The following SUPT3H variants were observed in gnomAD, a reference collection of about 807,000 sequenced individuals.
The protein encoded by SUPT3H is SPT3 homolog, SAGA and STAGA complex component.
Under a neutral mutation model 44.3 loss-of-function variants are expected in SUPT3H, and 44 were observed. The observed-to-expected ratio is 0.99, with a 90% CI of 0.78 to 1.28. The LOEUF (loss-of-function observed/expected upper bound fraction) is 1.28. SUPT3H is among the 50% of genes most tolerant of loss of function. SUPT3H has a pLI of 0.00. For synonymous variants in SUPT3H, 124 were observed against 125.6 expected (o/e 0.99, Z 0.09); for missense variants, 380 against 387.1 (o/e 0.98, Z 0.15).
intron 2 of SUPT3H, among the ~76,000 whole-genome samples, chr6:45,315,828 C>A (rs558770945): frequency 6.6e-6 from 1 of 152,068 alleles, no homozygotes; most frequent in Non-Finnish European, 1.5e-5. Flanking sequence ...TACTTGCACA[C>A]GCATGTTTAT....
At chr6:44,850,773 T>TATCTATCC (rs1772748982) in intron 10 of SUPT3H, among the ~76,000 whole-genome samples, 1 of 152,062 alleles carries the variant, frequency 6.6e-6, no homozygotes, top group Non-Finnish European at 1.5e-5. Context: ...TCTATCTATC[T>TATCTATCC]ATCTATCTAT....
chr6:45,163,776 T>G (rs1030471076), intron 2 of SUPT3H, among the ~76,000 whole-genome samples: 1 of 147,284 alleles, frequency 6.8e-6, no homozygotes, highest in Non-Finnish European at 1.5e-5. Context: ...AAAAGGGTGA[T>G]GCACCACCAC....
At chr6:45,114,726 G>T (rs1248527637) in intron 2 of SUPT3H, among the ~76,000 whole-genome samples, 3 of 152,092 alleles carry the variant, frequency 2.0e-5, no homozygotes, top group African/African-American at 2.4e-5. Context: ...ACTCTTAATA[G>T]ATAGCAGCAT....
intron 3 of SUPT3H, among the ~76,000 whole-genome samples, chr6:45,035,325 C>A (rs1239676883): frequency 6.6e-6 from 1 of 152,100 alleles, no homozygotes; most frequent in African/African-American, 2.4e-5. Flanking sequence ...GATACCTGCA[C>A]TTCAGGAGTG....
At chr6:45,282,232 G>A (rs1778259299) in intron 2 of SUPT3H, among the ~76,000 whole-genome samples, 1 of 152,218 alleles carries the variant, frequency 6.6e-6, no homozygotes, top group Admixed American at 6.5e-5. Flanking sequence ...AGCAAAGCTG[G>A]ATGGAGAATG....
intron 3 of SUPT3H, among the ~76,000 whole-genome samples, chr6:45,105,526 G>A (rs1013254856): frequency 2.6e-4 from 39 of 152,088 alleles, no homozygotes; most frequent in African/African-American, 9.4e-4. Context: ...TCTATTGATT[G>A]TCAAATGGCA....
chr6:44,958,167 G>A (rs1004163105), intron 7 of SUPT3H, among the ~76,000 whole-genome samples: 1 of 152,176 alleles, frequency 6.6e-6, no homozygotes, highest in Admixed American at 6.5e-5. Flanking sequence ...TATTAGCATT[G>A]TAATACTACC....
intron 7 of SUPT3H, among the ~76,000 whole-genome samples, chr6:44,956,482 AATAAAAAAAAAAAATAAAAAT>A (rs1468794719): frequency 0.38 from 2,556 of 6,742 alleles, 329 homozygotes; most frequent in South Asian, 0.57. Context: ...AAAAAAAAAA[AATAAAAAAAAAAAATAAAAAT>A]AAAAAAAAAA....
chr6:45,207,168 C>A (rs1390484828), intron 2 of SUPT3H, among the ~76,000 whole-genome samples: 1 of 151,996 alleles, frequency 6.6e-6, no homozygotes, highest in African/African-American at 2.4e-5. Flanking sequence ...TGAAGTTAAA[C>A]CTAAATAAAT....
In SUPT3H at chr6:44,983,282, C is replaced by T. The variant is rs554484533; in HGVS notation, c.504+20371G>A. Among the ~76,000 whole-genome samples, 6 of 152,098 alleles carry T rather than the reference C, an allele frequency of 3.9e-5. No individual in the cohort carries two copies. In the South Asian group the frequency reaches 1.2e-3, roughly 32 times the overall value. ...GACTTGTTAGGTAAAAGTGGACATTCTAGATTACAAGAAAGTCTTTGGTTT... is the reference window on the plus strand; with the variant it reads ...GACTTGTTAGGTAAAAGTGGACATTTTAGATTACAAGAAAGTCTTTGGTTT... On this transcript the variant is annotated intron_variant, in intron 6 of 10. Coordinates refer to ENST00000371459, the MANE Select transcript of SUPT3H (RefSeq NM_003599.4).
chr6:45,180,664 T>C (rs1287474481), intron 2 of SUPT3H, among the ~76,000 whole-genome samples: 2 of 152,134 alleles, frequency 1.3e-5, no homozygotes, highest in Admixed American at 6.6e-5. Flanking sequence ...TGGCTAGCCA[T>C]ATGTAGAAAG....
intron 3 of SUPT3H, chr6:45,098,076 T>C (rs1423638213): frequency 6.5e-6 from 1 of 152,954 alleles, no homozygotes; most frequent in Non-Finnish European, 1.5e-5. Flanking sequence ...GGGGGTGGAC[T>C]TTCCTGTTCT....
intron 2 of SUPT3H, among the ~76,000 whole-genome samples, chr6:45,185,448 C>T (rs908008346): frequency 6.6e-6 from 1 of 152,034 alleles, no homozygotes; most frequent in Non-Finnish European, 1.5e-5. Context: ...ATTTTTTTGT[C>T]ATACCCAACA....
At chr6:45,155,164 T>C (rs1218680916) in intron 2 of SUPT3H, among the ~76,000 whole-genome samples, 1 of 152,214 alleles carries the variant, frequency 6.6e-6, no homozygotes, top group Non-Finnish European at 1.5e-5. Context: ...AATATTCTCA[T>C]AAAATATTAA....
intron 2 of SUPT3H, among the ~76,000 whole-genome samples, chr6:45,286,397 C>T (rs375601001): frequency 6.6e-6 from 1 of 151,890 alleles, no homozygotes; most frequent in African/African-American, 2.4e-5. Flanking sequence ...AACAAATTTA[C>T]AAGAAAAAAC....
chr6:45,193,130 A>C (rs995529010), intron 2 of SUPT3H, among the ~76,000 whole-genome samples: 1 of 152,134 alleles, frequency 6.6e-6, no homozygotes, highest in Non-Finnish European at 1.5e-5. Flanking sequence ...CGCTTTAAGA[A>C]ATAAATATTA....
intron 2 of SUPT3H, among the ~76,000 whole-genome samples, chr6:45,231,105 T>C (rs1001229323): frequency 2.0e-5 from 3 of 152,216 alleles, no homozygotes; most frequent in African/African-American, 7.2e-5. Flanking sequence ...TTCTGATTGA[T>C]TGTCCTTGTA....
At chr6:44,917,980 C>G (rs1768076047) in intron 10 of SUPT3H, among the ~76,000 whole-genome samples, 2 of 152,230 alleles carry the variant, frequency 1.3e-5, no homozygotes, top group South Asian at 4.2e-4. Flanking sequence ...CAAATTCACT[C>G]TAAGTAAATT....
In SUPT3H at chr6:45,151,047, A is replaced by G. The variant is rs1245200977; in HGVS notation, c.102-45041T>C. 1.1e-4 allele frequency among the ~76,000 whole-genome samples: 17 copies of G among 152,236 alleles called. 1 individual carries two copies. The Middle Eastern group carries it at 0.017, about 152-fold the overall frequency. ...TCTTTATACTGCTTTCAAAGCATTC[A>G]ATGAGAGAAATAACCAGAAAACAAA... On this transcript the variant is annotated intron_variant, in intron 2 of 10. Coordinates refer to ENST00000371459, the MANE Select transcript of SUPT3H (RefSeq NM_003599.4).
Sources: gnomAD v4.1 joint callset for allele counts (sites outside exome capture counted in the v4.1 genomes callset) on GRCh38, gnomAD v4.1.1 for gene constraint, MANE v1.5 for transcripts, NCBI Gene and HGNC (gene_info 2026-07-23, HGNC 2026-07-21) for gene names.